Variants in NCAM2 observed in about 807,000 individuals in gnomAD.
NCAM2 encodes the protein N-CAM-2.
Under a neutral mutation model 98.1 loss-of-function variants are expected in NCAM2, and 30 were observed. That is an observed-to-expected ratio of 0.31 (90% CI 0.23 to 0.41). The LOEUF is 0.41. NCAM2 is among the 10% of genes least tolerant of loss of function. The pLI, the probability that NCAM2 is intolerant of heterozygous loss-of-function variation, is 1.00. For missense variants in NCAM2, 867 were observed against 1,005.8 expected (o/e 0.86, Z 1.87); for synonymous variants, 368 against 342.4 (o/e 1.07, Z -0.83).
intron 11 of NCAM2, among the ~76,000 whole-genome samples, chr21:21,427,164 A>T (rs990751656): frequency 6.6e-6 from 1 of 152,212 alleles, no homozygotes; most frequent in Non-Finnish European, 1.5e-5. Flanking sequence ...TAATCTATTG[A>T]AACAGAGTAA....
intron 9 of NCAM2, 53 bp downstream of exon 9, chr21:21,374,066 C>T (rs1164395283): frequency 6.4e-7 from 1 of 1,550,676 alleles, no homozygotes; most frequent in Non-Finnish European, 8.7e-7. Flanking sequence ...TGCTTTGAAA[C>T]ATATGATTTT....
intron 5 of NCAM2, among the ~76,000 whole-genome samples, chr21:21,306,444 C>T (rs1296586102): frequency 3.3e-5 from 5 of 152,016 alleles, no homozygotes; most frequent in Non-Finnish European, 5.9e-5. Context: ...CTGTTTATTC[C>T]GGATAATATT....
intron 1 of NCAM2, among the ~76,000 whole-genome samples, chr21:21,228,690 C>T (rs2070492219): frequency 6.6e-6 from 1 of 151,246 alleles, no homozygotes; most frequent in Non-Finnish European, 1.5e-5. Context: ...TATATGTAGA[C>T]TAAAGATAAA....
chr21:21,216,613 T>C (rs2069910985), intron 1 of NCAM2, among the ~76,000 whole-genome samples: 1 of 152,220 alleles, frequency 6.6e-6, no homozygotes, highest in Admixed American at 6.5e-5. Flanking sequence ...AAATGCATTG[T>C]CCTGTCCTTA....
intron 4 of NCAM2, among the ~76,000 whole-genome samples, chr21:21,289,892 C>T (rs2073232334): frequency 6.6e-6 from 1 of 151,842 alleles, no homozygotes; most frequent in African/African-American, 2.4e-5. Context: ...GGCAAAACTC[C>T]TGAGACTCAG....
At chr21:21,028,137 A>G (rs1356116529) in intron 1 of NCAM2, among the ~76,000 whole-genome samples, 2 of 152,204 alleles carry the variant, frequency 1.3e-5, no homozygotes, top group African/African-American at 4.8e-5. Flanking sequence ...TGCTGGGATT[A>G]CAGGCATGAG....
chr21:21,134,136 T>C (rs1255094079), intron 1 of NCAM2, among the ~76,000 whole-genome samples: 1 of 151,688 alleles, frequency 6.6e-6, no homozygotes, highest in Non-Finnish European at 1.5e-5. Context: ...TGGTGCAATC[T>C]TGGCTCACTG....
At chr21:21,229,571 A>G (rs1343706304) in intron 1 of NCAM2, among the ~76,000 whole-genome samples, 3 of 151,556 alleles carry the variant, frequency 2.0e-5, no homozygotes, top group Non-Finnish European at 4.4e-5. Flanking sequence ...AAGAATGTCA[A>G]GTAAGTTGCC....
rs202122817 is a variant in NCAM2 at position 21,352,803 on chromosome 21, T to TA, written c.1044+14280dup. 8.3e-4 allele frequency among the ~76,000 whole-genome samples: 80 copies of TA among 95,988 alleles called. 1 individual carries two copies. Among genetic ancestry groups the TA allele is most frequent in the South Asian group, 4.2e-3 (13 of 3,084 alleles). The allele number at this position is 95,988 out of a possible 152,430, so 63.0% of individuals were successfully genotyped here. A position where few individuals can be genotyped will look rare whatever the true frequency, so the allele number is the denominator to read the frequency against. On this transcript the variant is annotated intron_variant, in intron 8 of 17. Coordinates refer to ENST00000400546, the MANE Select transcript of NCAM2 (RefSeq NM_004540.5). ...CACATGTACCCTAAAACTTAAAGTA[T>TA]AAAAAAAAAAAGATTAGAAAATTAA...
intron 1 of NCAM2, among the ~76,000 whole-genome samples, chr21:21,252,861 C>T (rs1363817142): frequency 1.3e-5 from 2 of 152,120 alleles, no homozygotes; most frequent in Non-Finnish European, 2.9e-5. Flanking sequence ...ACCACTCAGA[C>T]AAGTCAAGCC....
chr21:21,143,858 C>G (rs2067220217), intron 1 of NCAM2, among the ~76,000 whole-genome samples: 1 of 133,876 alleles, frequency 7.5e-6, no homozygotes. Flanking sequence ...TTTAAGATAA[C>G]TTTCTACTCA....
At chr21:21,417,427 T>C (rs138033211) in intron 10 of NCAM2, among the ~76,000 whole-genome samples, 3 of 152,228 alleles carry the variant, frequency 2.0e-5, no homozygotes, top group African/African-American at 7.2e-5. Context: ...TTTTCTGTAC[T>C]CTTTCAGAAT....
chr21:21,440,724 G>C (rs1979129352), intron 12 of NCAM2, among the ~76,000 whole-genome samples: 1 of 148,334 alleles, frequency 6.7e-6, no homozygotes, highest in African/African-American at 2.5e-5. Context: ...AAAAAACAGA[G>C]AAGGAGAGAA....
At chr21:21,205,184 A>G (rs1296462397) in intron 1 of NCAM2, among the ~76,000 whole-genome samples, 1 of 152,212 alleles carries the variant, frequency 6.6e-6, no homozygotes, top group Non-Finnish European at 1.5e-5. Flanking sequence ...GCCGACAAAA[A>G]TTAAATATAT....
chr21:21,299,483 C>T (rs2073627354), intron 5 of NCAM2, among the ~76,000 whole-genome samples: 1 of 151,776 alleles, frequency 6.6e-6, no homozygotes. Flanking sequence ...TCTTCTTAAG[C>T]ATAGTTTGTT....
At chr21:21,272,902 C>A (rs1212092067) in intron 1 of NCAM2, among the ~76,000 whole-genome samples, 3 of 115,758 alleles carry the variant, frequency 2.6e-5, no homozygotes, top group Non-Finnish European at 5.3e-5. Context: ...AAATATGTTT[C>A]CAGACTCCAA....
chr21:21,172,968 C>A (rs2068171224), intron 1 of NCAM2, among the ~76,000 whole-genome samples: 1 of 151,990 alleles, frequency 6.6e-6, no homozygotes, highest in East Asian at 1.9e-4. Flanking sequence ...AAAATTTACC[C>A]TGTAATATTA....
chr21:21,335,827 A>G (rs1468706612), intron 7 of NCAM2, among the ~76,000 whole-genome samples, 162 bp downstream of exon 7: 2 of 152,180 alleles, frequency 1.3e-5, no homozygotes, highest in Non-Finnish European at 2.9e-5. Flanking sequence ...GAATTTTTTG[A>G]AGAATAACGT....
intron 17 of NCAM2, among the ~76,000 whole-genome samples, chr21:21,535,921 T>G (rs554485783): frequency 1.3e-5 from 2 of 152,288 alleles, no homozygotes; most frequent in East Asian, 3.9e-4. Flanking sequence ...ACTATCAATT[T>G]GGTGAAAGCA....
Sources: gnomAD v4.1 joint callset for allele counts (sites outside exome capture counted in the v4.1 genomes callset) on GRCh38, gnomAD v4.1.1 for gene constraint, MANE v1.5 for transcripts, NCBI Gene and HGNC (gene_info 2026-07-23, HGNC 2026-07-21) for gene names.